CACNB2: variants seen among roughly 807,000 people sequenced by gnomAD.
The protein encoded by CACNB2 is voltage-dependent L-type calcium channel subunit beta-2.
A neutral mutation model predicts 73.3 loss-of-function variants in CACNB2; 42 were observed. That is an observed-to-expected ratio of 0.57 (90% confidence interval 0.45 to 0.74). The LOEUF (loss-of-function observed/expected upper bound fraction) is 0.74, where lower values mean the gene tolerates loss of function less well. Among genes scored for constraint, CACNB2 ranks in the 30% least tolerant of loss-of-function variants. The pLI is 0.00. For synonymous variants in CACNB2, 348 were observed against 310.3 expected (o/e 1.12, Z -1.28); for missense variants, 940 against 853.0 (o/e 1.10, Z -1.27).
intron 3 of CACNB2, among the ~76,000 whole-genome samples, chr10:18,438,635 C>G (rs2046267778): frequency 6.6e-6 from 1 of 152,266 alleles, no homozygotes; most frequent in African/African-American, 2.4e-5. Context: ...GCCGTTTCTT[C>G]TCCTCTTGGC....
At chr10:18,398,625 T>G (rs997016630) in intron 2 of CACNB2, among the ~76,000 whole-genome samples, 1 of 151,880 alleles carries the variant, frequency 6.6e-6, no homozygotes, top group Non-Finnish European at 1.5e-5. Context: ...AAGCCATGAT[T>G]GCATCACTGC....
intron 3 of CACNB2, among the ~76,000 whole-genome samples, chr10:18,446,591 G>A (rs1478035037): frequency 6.6e-6 from 1 of 152,146 alleles, no homozygotes; most frequent in East Asian, 1.9e-4. Context: ...GATGTTTCCA[G>A]TGACACTACT....
At chr10:18,351,257 A>G (rs1384808456) in intron 2 of CACNB2, among the ~76,000 whole-genome samples, 1 of 151,712 alleles carries the variant, frequency 6.6e-6, no homozygotes, top group Non-Finnish European at 1.5e-5. Flanking sequence ...TAGGCTTAGG[A>G]CTAAATATAT....
chr10:18,514,895 T>C, intron 7 of CACNB2: 1 of 890,356 alleles, frequency 1.1e-6, no homozygotes, highest in Non-Finnish European at 1.9e-6. Flanking sequence ...AATTCTGACT[T>C]ATGATATCCA....
chr10:18,150,860 T>TTTTTTTG (rs2031479258), intron 1 of CACNB2, 23 bp from the exon 2 acceptor site: 1 of 893,744 alleles, frequency 1.1e-6, no homozygotes, highest in Non-Finnish European at 1.5e-6. Context: ...TTTGTCTTTT[T>TTTTTTTG]TTTTTTTTTT....
At chr10:18,388,814 T>G (rs558829867) in intron 2 of CACNB2, among the ~76,000 whole-genome samples, 3 of 151,962 alleles carry the variant, frequency 2.0e-5, no homozygotes, top group Non-Finnish European at 2.9e-5. Context: ...ACTTTTCTTT[T>G]AATTATTTTC....
chr10:18,287,589 G>C (rs1051594513), intron 2 of CACNB2, among the ~76,000 whole-genome samples: 6 of 152,086 alleles, frequency 3.9e-5, no homozygotes, highest in Admixed American at 3.3e-4. Flanking sequence ...AGTGGCTCAC[G>C]CCTGTAATCC....
At chr10:18,393,915 G>C (rs1052806603) in intron 2 of CACNB2, among the ~76,000 whole-genome samples, 1 of 151,984 alleles carries the variant, frequency 6.6e-6, no homozygotes, top group Admixed American at 6.6e-5. Context: ...GTGTACTTTC[G>C]TTGTGCCTTT....
intron 3 of CACNB2, among the ~76,000 whole-genome samples, chr10:18,432,389 AATC>A (rs2045929170): frequency 6.6e-6 from 1 of 152,152 alleles, no homozygotes; most frequent in Non-Finnish European, 1.5e-5. Context: ...TTTCACAGAT[AATC>A]ACATAAGTTA....
chr10:18,351,307 C>T (rs1236625894), intron 2 of CACNB2, among the ~76,000 whole-genome samples: 1 of 152,140 alleles, frequency 6.6e-6, no homozygotes, highest in African/African-American at 2.4e-5. Flanking sequence ...GATGAGAAGA[C>T]AATTAATTCT....
intron 10 of CACNB2, among the ~76,000 whole-genome samples, chr10:18,532,702 CAAAA>C (rs1339853490): frequency 0.019 from 894 of 46,224 alleles, 21 homozygotes; most frequent in African/African-American, 0.07. Flanking sequence ...AAAAACAAAA[CAAAA>C]AAACAAACAA....
chr10:18,145,827 C>T (rs1434525879), intron 1 of CACNB2, among the ~76,000 whole-genome samples: 1 of 152,178 alleles, frequency 6.6e-6, no homozygotes, highest in Non-Finnish European at 1.5e-5. Flanking sequence ...GGAACCGGGC[C>T]TGTCTTACTG....
chr10:18,415,005 A>G (rs1329012564), intron 3 of CACNB2, among the ~76,000 whole-genome samples: 26 of 152,242 alleles, frequency 1.7e-4, no homozygotes, highest in Non-Finnish European at 4.4e-5. Context: ...AGTAGAATGT[A>G]TTTAATTAGC....
At chr10:18,518,490 C>G in intron 8 of CACNB2, 74 bp downstream of exon 8, 1 of 1,032,232 alleles carries the variant, frequency 9.7e-7, no homozygotes, top group Non-Finnish European at 1.5e-6. Context: ...CTACTCCCGA[C>G]CCTCTCTCTG....
At chr10:18,429,399 T>C (rs1308827013) in intron 3 of CACNB2, among the ~76,000 whole-genome samples, 1 of 152,202 alleles carries the variant, frequency 6.6e-6, no homozygotes, top group Non-Finnish European at 1.5e-5. Flanking sequence ...TTCGGATTCA[T>C]TGTGCCTCCT....
intron 2 of CACNB2, among the ~76,000 whole-genome samples, chr10:18,393,910 C>T (rs1471468958): frequency 6.6e-6 from 1 of 152,098 alleles, no homozygotes; most frequent in Admixed American, 6.6e-5. Context: ...CCTCGGTGTA[C>T]TTTCGTTGTG....
intron 2 of CACNB2, chr10:18,340,766 A>T: frequency 6.5e-7 from 1 of 1,538,450 alleles, no homozygotes; most frequent in Admixed American, 2.0e-5. Flanking sequence ...AGAAAGTCAC[A>T]CTAACTAAGA....
rs560784660 is a variant in CACNB2 at position 18,379,193 on chromosome 10, C to G, written c.214-22731C>G. Among the ~76,000 whole-genome samples the G allele has an allele frequency of 4.6e-5, 7 of 152,114 alleles. No homozygotes were observed. In the East Asian group the frequency reaches 1.2e-3, roughly 25 times the overall value. On this transcript the variant is annotated intron_variant, in intron 2 of 13. Transcript: ENST00000324631. ...AATATAAAATTTGCCATTTTAACCACTTCTATTTATTTTTATTTATTTATT... is the reference window on the plus strand; with the variant it reads ...AATATAAAATTTGCCATTTTAACCAGTTCTATTTATTTTTATTTATTTATT...
At chr10:18,303,596 C>T (rs1405618407) in intron 2 of CACNB2, among the ~76,000 whole-genome samples, 1 of 152,162 alleles carries the variant, frequency 6.6e-6, no homozygotes, top group African/African-American at 2.4e-5. Flanking sequence ...TCATAAGAGC[C>T]AGTACTGAAT....
Sources: gnomAD v4.1 joint callset for allele counts (sites outside exome capture counted in the v4.1 genomes callset) on GRCh38, gnomAD v4.1.1 for gene constraint, MANE v1.5 for transcripts, NCBI Gene and HGNC (gene_info 2026-07-23, HGNC 2026-07-21) for gene names.